DCDC2: variants seen among roughly 807,000 people sequenced by gnomAD.
DCDC2 encodes the protein doublecortin domain-containing protein 2.
DCDC2 carries 40 observed loss-of-function variants against 50.2 expected under a neutral mutation model. That is an observed-to-expected ratio of 0.80 (90% CI 0.62 to 1.04). The LOEUF is 1.04. Ranked by LOEUF, DCDC2 falls within the 50% of genes least tolerant of loss-of-function variation. The pLI, the probability that DCDC2 is intolerant of heterozygous loss-of-function variation, is 0.00. For synonymous variants in DCDC2, 234 were observed against 210.6 expected, an observed-to-expected ratio of 1.11 and a Z score of -0.96; for missense variants, 570 against 581.9, an observed-to-expected ratio of 0.98 and a Z score of 0.21.
At chr6:24,231,727 T>C (rs781538235) in intron 7 of DCDC2, among the ~76,000 whole-genome samples, 1 of 151,998 alleles carries the variant, frequency 6.6e-6, no homozygotes, top group Non-Finnish European at 1.5e-5. Flanking sequence ...TGTAATTATT[T>C]ATGTGATGAA....
intron 2 of DCDC2, 126 bp downstream of exon 2, chr6:24,353,443 T>C: frequency 1.5e-6 from 1 of 670,724 alleles, no homozygotes; most frequent in Non-Finnish European, 2.7e-6. Context: ...TTAAAACATA[T>C]AATGTTCCAT....
chr6:24,209,310 C>A (rs991781924), intron 7 of DCDC2, among the ~76,000 whole-genome samples: 3 of 152,168 alleles, frequency 2.0e-5, no homozygotes, highest in Non-Finnish European at 4.4e-5. Flanking sequence ...TTTAAACTTG[C>A]ACAGTAAATT....
chr6:24,350,547 A>G (rs1760349664), intron 2 of DCDC2, among the ~76,000 whole-genome samples: 1 of 152,136 alleles, frequency 6.6e-6, no homozygotes, highest in South Asian at 2.1e-4. Flanking sequence ...CCATCACTGA[A>G]AACTCAAAAT....
At chr6:24,305,438 A>T (rs1022395121) in intron 2 of DCDC2, among the ~76,000 whole-genome samples, 3 of 152,346 alleles carry the variant, frequency 2.0e-5, no homozygotes, top group Admixed American at 6.5e-5. Context: ...TGTAAAAGAA[A>T]CAAAAAGATA....
chr6:24,349,704 C>T (rs537185761), intron 2 of DCDC2, among the ~76,000 whole-genome samples: 1 of 152,250 alleles, frequency 6.6e-6, no homozygotes, highest in East Asian at 1.9e-4. Context: ...TTACCACGGT[C>T]AGAAGCTAAG....
chr6:24,251,238 A>C (rs1172704754), intron 7 of DCDC2, among the ~76,000 whole-genome samples: 1 of 152,212 alleles, frequency 6.6e-6, no homozygotes, highest in Non-Finnish European at 1.5e-5. Context: ...GTTTCAGGGA[A>C]ACCTTCAAAA....
chr6:24,297,203 AAC>A (rs1203181711), intron 4 of DCDC2, among the ~76,000 whole-genome samples: 26 of 152,298 alleles, frequency 1.7e-4, no homozygotes, highest in African/African-American at 6.3e-4. Context: ...TTTACAAACT[AAC>A]ACAGGAACAG....
intron 4 of DCDC2, among the ~76,000 whole-genome samples, chr6:24,293,493 T>C (rs958115337): frequency 1.3e-5 from 2 of 152,318 alleles, no homozygotes; most frequent in East Asian, 3.9e-4. Context: ...TCACCTATCC[T>C]AAATATATAC....
intron 2 of DCDC2, among the ~76,000 whole-genome samples, chr6:24,327,453 CTTATTTAT>C (rs58552034): frequency 5.9e-5 from 8 of 136,612 alleles, no homozygotes; most frequent in Non-Finnish European, 1.3e-4. Flanking sequence ...ACATTATAAA[CTTATTTAT>C]TTATTTATTT....
rs1317718590 is a variant in DCDC2 at position 24,178,447 on chromosome 6, A to C, written c.1209T>G (p.Arg403=). The change falls in exon 9 of 10, where the codon CGT becomes CGG. Residue 403 remains arginine (R), a synonymous_variant. Coordinates refer to ENST00000378454, the MANE Select transcript of DCDC2 (RefSeq NM_016356.5). ...TCTCCTCATCGGTGCCTCCATTTAC[A>C]CGAGCAGGGCGTGCCTGCTGCTCAC... is the stretch of plus-strand genomic sequence containing the variant. ...DHSEQQARPA[R]VNGGTDEENG... The C allele has an allele frequency of 6.2e-7, 1 of 1,614,028 alleles. No individual in the cohort carries two copies. The highest frequency in any genetic ancestry group is 1.7e-5 in the Admixed American group (1 of 60,006).
chr6:24,277,997 A>T, intron 7 of DCDC2, 52 bp downstream of exon 7: 1 of 1,424,424 alleles, frequency 7.0e-7, no homozygotes, highest in Non-Finnish European at 9.6e-7. Flanking sequence ...CAATGGATCT[A>T]TTTAAGAATT....
upstream of DCDC2, among the ~76,000 whole-genome samples, chr6:24,362,062 A>G (rs551032214): frequency 2.6e-5 from 4 of 152,208 alleles, no homozygotes; most frequent in Non-Finnish European, 4.4e-5. Flanking sequence ...AAGTCATTGT[A>G]TGGTATTTCC....
At chr6:24,225,987 C>A (rs771897988) in intron 7 of DCDC2, among the ~76,000 whole-genome samples, 1 of 152,184 alleles carries the variant, frequency 6.6e-6, no homozygotes, top group South Asian at 2.1e-4. Flanking sequence ...AGTCTGTCTC[C>A]TACCACTTTC....
At chr6:24,217,875 ACT>A (rs770187653) in intron 7 of DCDC2, among the ~76,000 whole-genome samples, 4 of 152,216 alleles carry the variant, frequency 2.6e-5, no homozygotes, top group Non-Finnish European at 4.4e-5. Context: ...GTTATAATGT[ACT>A]CAGTTTAGCA....
rs373446193 is a variant in DCDC2, at chr6:24,273,887, G to A, written c.922+4162C>T. Among the ~76,000 whole-genome samples, 31 of 152,044 alleles carry A rather than the reference G, an allele frequency of 2.0e-4. No individual in the cohort carries two copies. The South Asian group carries it at 2.7e-3, about 13-fold the overall frequency. On this transcript the variant is annotated intron_variant, in intron 7 of 9. Coordinates refer to ENST00000378454, the MANE Select transcript of DCDC2 (RefSeq NM_016356.5). ...CATAATATTCAGACATCCTTCTGCC[G>A]GCACCACACCTGCTCCCAATCAGTC... is the stretch of plus-strand genomic sequence containing the variant.
At chr6:24,338,913 G>A (rs1378850583) in intron 2 of DCDC2, among the ~76,000 whole-genome samples, 2 of 152,090 alleles carry the variant, frequency 1.3e-5, no homozygotes, top group South Asian at 2.1e-4. Context: ...CAAAGTGCTG[G>A]GATTACAAGT....
At chr6:24,198,967 T>G (rs2113756877) in intron 8 of DCDC2, among the ~76,000 whole-genome samples, 1 of 152,248 alleles carries the variant, frequency 6.6e-6, no homozygotes, top group South Asian at 2.1e-4. Context: ...AGATTCCTCC[T>G]CTCTGGGTAG....
intron 5 of DCDC2, among the ~76,000 whole-genome samples, chr6:24,290,697 T>TAAA (rs76420632): frequency 4.0e-5 from 6 of 151,190 alleles, no homozygotes; most frequent in Non-Finnish European, 8.8e-5. Flanking sequence ...TCATGCATGC[T>TAAA]AAAAAAAAAC....
chr6:24,333,152 G>A (rs961030510), intron 2 of DCDC2, among the ~76,000 whole-genome samples: 2 of 152,170 alleles, frequency 1.3e-5, no homozygotes, highest in Admixed American at 6.6e-5. Context: ...AAGGCCCTGA[G>A]ATAAGAGGTA....
Sources: allele counts gnomAD v4.1 joint callset (sites outside exome capture counted in the v4.1 genomes callset), GRCh38; gene constraint gnomAD v4.1.1; transcripts MANE v1.5; gene names NCBI Gene and HGNC (gene_info 2026-07-23, HGNC 2026-07-21).